The following DNAH9 variants were observed in gnomAD, a reference collection of about 807,000 sequenced individuals.
The protein encoded by DNAH9 is dynein axonemal heavy chain 9.
Under a neutral mutation model 471.6 loss-of-function variants are expected in DNAH9, and 345 were observed. That is an observed-to-expected ratio of 0.73 (90% CI 0.67 to 0.80). DNAH9 has a LOEUF of 0.80. Ranked by LOEUF, DNAH9 falls within the 30% of genes least tolerant of loss-of-function variation. The probability of loss-of-function intolerance (pLI) is 0.00; values close to 1 mark genes in which losing one functional copy is unlikely to be tolerated. For synonymous variants in DNAH9, 2,093 were observed against 2,123.6 expected, an observed-to-expected ratio of 0.99 and a Z score of 0.40; for missense variants, 5,407 against 5,609.2, an observed-to-expected ratio of 0.96 and a Z score of 1.15.
chr17:11,689,554 T>C lies in DNAH9; in HGVS notation c.3744-12T>C, dbSNP rs2074297504. On this transcript the variant is annotated splice_polypyrimidine_tract_variant and intron_variant, in intron 19 of 68. Coordinates refer to ENST00000262442, the MANE Select transcript of DNAH9 (RefSeq NM_001372.4). ...GTGCCATACTTACAAAGGAACACACTGTGTTTTGTAGGTTTGATAGCATCC... is the reference window on the plus strand; with the variant it reads ...GTGCCATACTTACAAAGGAACACACCGTGTTTTGTAGGTTTGATAGCATCC... 2 of 1,587,424 alleles carry C rather than the reference T, an allele frequency of 1.3e-6. No homozygotes were observed. Among genetic ancestry groups the C allele is most frequent in the South Asian group, 1.1e-5 (1 of 88,954 alleles).
At chr17:11,807,985 G>C in intron 44 of DNAH9, 91 bp downstream of exon 44, 1 of 1,374,698 alleles carries the variant, frequency 7.3e-7, no homozygotes, top group Non-Finnish European at 9.9e-7. Flanking sequence ...CAGTTCCCCT[G>C]TCTGGAGCCT....
At chr17:11,756,057 A>T (rs1967370637) in intron 33 of DNAH9, among the ~76,000 whole-genome samples, 1 of 152,116 alleles carries the variant, frequency 6.6e-6, no homozygotes, top group African/African-American at 2.4e-5. Flanking sequence ...TGGGCGGATC[A>T]CGAGGTCAGG....
At chr17:11,834,571 G>A (rs1597713749) in intron 48 of DNAH9, 67 bp from the exon 49 acceptor site, 2 of 1,586,932 alleles carry the variant, frequency 1.3e-6, no homozygotes, top group East Asian at 4.5e-5. Context: ...ACAGGCCAGT[G>A]ACTAGTCCAG....
chr17:11,725,288 C>A lies in DNAH9; in HGVS notation c.5710-2530C>A, dbSNP rs980320406. ...ACCTCCTCAGACAGGATGTCCCTGA[C>A]AGCTCAATCTGAAGTCTCCATGTCA... On this transcript the variant is annotated intron_variant, in intron 27 of 68. Transcript: ENST00000262442. Among the ~76,000 whole-genome samples the A allele has an allele frequency of 2.6e-5, 4 of 152,196 alleles. 1 individual carries two copies. The highest frequency in any genetic ancestry group is 5.9e-5 in the Non-Finnish European group (4 of 68,036).
At chr17:11,616,203 A>G (rs8066603) in intron 4 of DNAH9, among the ~76,000 whole-genome samples, 151,131 of 152,306 alleles carry the variant, frequency 0.99, 74,991 homozygotes, top group East Asian at 1. Flanking sequence ...CACTTATAAA[A>G]TACTAAAGTA....
chr17:11,924,682 G>A lies in DNAH9; in HGVS notation c.11877+741G>A, dbSNP rs147995659. The stretch of plus-strand genomic sequence containing the variant: ...TCTGTCGCCTAGGCTGGAGTGCAAT[G>A]GCGCAATCTCAACTCACTGCAACCT... On this transcript the variant is annotated intron_variant, in intron 62 of 68. Transcript: ENST00000262442. Among the ~76,000 whole-genome samples the A allele has an allele frequency of 8.2e-3, 1,071 of 131,134 alleles. 7 individuals are homozygous for A. The highest frequency in any genetic ancestry group is 0.01 in the Non-Finnish European group (670 of 65,140). The allele number at this position is 131,134 out of a possible 152,430, so 86.0% of individuals were successfully genotyped here.
chr17:11,677,561 A>C (rs1349819373), intron 17 of DNAH9, among the ~76,000 whole-genome samples: 1 of 152,210 alleles, frequency 6.6e-6, no homozygotes, highest in African/African-American at 2.4e-5. Context: ...TATAATGAGC[A>C]TAGAACTGAT....
chr17:11,668,267 A>G (rs1018214751), intron 15 of DNAH9, among the ~76,000 whole-genome samples: 1 of 152,210 alleles, frequency 6.6e-6, no homozygotes, highest in Non-Finnish European at 1.5e-5. Context: ...TCATGTCTGT[A>G]CATCGTTGAC....
In DNAH9 at chr17:11,807,787, G is replaced by T. The variant is rs771633168; in HGVS notation, c.8476G>T (p.Val2826Leu). The change falls in exon 44 of 69, where the codon GTA becomes TTA. Residue 2826 changes from valine (V) to leucine (L), a missense_variant. Val to Leu is a conservative substitution (Grantham distance 32). Transcript: ENST00000262442. ...GCGGGGAAATGCTCTGCTGGTTGGT[G>T]TAGGTGGGAGCGGCAAGCAGAGCCT... Reference protein sequence around the residue: ...SPRGNALLVGVGGSGKQSLTR... With the variant: ...SPRGNALLVGLGGSGKQSLTR... 4.3e-6 allele frequency: 7 copies of T among 1,613,986 alleles called. No homozygotes were observed. The highest frequency in any genetic ancestry group is 5.9e-6 in the Non-Finnish European group (7 of 1,179,958).
chr17:11,631,583 G>C (rs759866821), intron 7 of DNAH9, among the ~76,000 whole-genome samples: 15 of 151,514 alleles, frequency 9.9e-5, no homozygotes, highest in Middle Eastern at 6.9e-3. Context: ...AGAGGTTGCA[G>C]TGAGCCAAGA....
intron 48 of DNAH9, among the ~76,000 whole-genome samples, chr17:11,823,346 C>T (rs1303862570): frequency 6.6e-6 from 1 of 152,084 alleles, no homozygotes; most frequent in Non-Finnish European, 1.5e-5. Context: ...CAGGTCTGAT[C>T]CATCCGCTCT....
chr17:11,890,802 G>A (rs370957791), intron 57 of DNAH9, among the ~76,000 whole-genome samples: 12 of 151,974 alleles, frequency 7.9e-5, no homozygotes, highest in African/African-American at 2.4e-4. Flanking sequence ...TCAAACTCCC[G>A]CTTCAGCTTC....
At chr17:11,695,441 T>C (rs1179546758) in intron 22 of DNAH9, among the ~76,000 whole-genome samples, 1 of 152,220 alleles carries the variant, frequency 6.6e-6, no homozygotes, top group African/African-American at 2.4e-5. Flanking sequence ...GTAAGGCTTA[T>C]TGGCAAAAGC....
chr17:11,731,859 T>C (rs1350211268), intron 28 of DNAH9, among the ~76,000 whole-genome samples: 1 of 152,192 alleles, frequency 6.6e-6, no homozygotes, highest in Non-Finnish European at 1.5e-5. Context: ...GCAATAAACA[T>C]ACATGTGCAT....
At chr17:11,670,264 A>G (rs888752009) in intron 17 of DNAH9, among the ~76,000 whole-genome samples, 2 of 152,164 alleles carry the variant, frequency 1.3e-5, no homozygotes, top group Non-Finnish European at 2.9e-5. Context: ...AACAGGCTGG[A>G]TATGAAATTC....
chr17:11,880,232 G>A (rs200856608), intron 54 of DNAH9, 32 bp downstream of exon 54: 12 of 1,608,676 alleles, frequency 7.5e-6, no homozygotes, highest in Admixed American at 1.7e-5. Context: ...GACCCTTCGG[G>A]GGGAGCTGGT....
intron 19 of DNAH9, among the ~76,000 whole-genome samples, chr17:11,681,483 G>A (rs1409873490): frequency 6.6e-6 from 1 of 152,244 alleles, no homozygotes; most frequent in East Asian, 1.9e-4. Context: ...TGGTGAAGCG[G>A]TCTGCTTCTG....
At chr17:11,834,328 CAAA>C (rs762924565) in intron 48 of DNAH9, among the ~76,000 whole-genome samples, 27 of 77,858 alleles carry the variant, frequency 3.5e-4, no homozygotes, top group South Asian at 6.8e-4. Context: ...GACTCCGTCT[CAAA>C]AAAAAAAAAA....
intron 33 of DNAH9, among the ~76,000 whole-genome samples, chr17:11,756,274 C>A (rs1359188440): frequency 1.4e-4 from 19 of 135,700 alleles, no homozygotes; most frequent in African/African-American, 3.3e-4. Context: ...GAGACTCTGT[C>A]AAAAAAAAAA....
Sources: allele counts gnomAD v4.1 joint callset (sites outside exome capture counted in the v4.1 genomes callset), GRCh38; gene constraint gnomAD v4.1.1; transcripts MANE v1.5; gene names NCBI Gene and HGNC (gene_info 2026-07-23, HGNC 2026-07-21).